Variants in UNC13C observed in about 807,000 individuals in gnomAD.
The protein encoded by UNC13C is protein unc-13 homolog C.
A neutral mutation model predicts 245.4 loss-of-function variants in UNC13C; 174 were observed. The observed-to-expected ratio is 0.71, with a 90% CI of 0.63 to 0.80. UNC13C has a LOEUF of 0.80. UNC13C is among the 30% of genes least tolerant of loss of function. UNC13C has a pLI of 0.00. For synonymous variants in UNC13C, 992 were observed against 895.1 expected (o/e 1.11, Z -1.93); for missense variants, 2,829 against 2,602.9 (o/e 1.09, Z -1.89).
At chr15:54,421,309 A>G (rs2040637936) in intron 19 of UNC13C, among the ~76,000 whole-genome samples, 1 of 151,924 alleles carries the variant, frequency 6.6e-6, no homozygotes, top group Non-Finnish European at 1.5e-5. Context: ...AAATATGTAG[A>G]CTGTATTACT....
intron 4 of UNC13C, among the ~76,000 whole-genome samples, chr15:54,180,645 A>ATCCTC (rs1357523862): frequency 6.6e-6 from 1 of 152,052 alleles, no homozygotes; most frequent in Non-Finnish European, 1.5e-5. Flanking sequence ...TTTTCTCTGC[A>ATCCTC]TCCTCACCAG....
chr15:54,252,035 C>A (rs1181285513), intron 8 of UNC13C, among the ~76,000 whole-genome samples: 5 of 152,140 alleles, frequency 3.3e-5, no homozygotes, highest in Non-Finnish European at 7.4e-5. Context: ...CTTGATATTA[C>A]TCATTTAATT....
At chr15:54,314,588 A>T (rs1447603043) in intron 13 of UNC13C, among the ~76,000 whole-genome samples, 2 of 151,798 alleles carry the variant, frequency 1.3e-5, no homozygotes, top group East Asian at 1.9e-4. Context: ...TTTAAAGAAA[A>T]AAAGAATTAG....
intron 19 of UNC13C, among the ~76,000 whole-genome samples, chr15:54,440,373 T>A (rs11071072): frequency 6.6e-6 from 1 of 151,824 alleles, no homozygotes; most frequent in Non-Finnish European, 1.5e-5. Flanking sequence ...GAGAATCACC[T>A]TTTTAGCTCC....
chr15:54,117,852 G>T (rs866034759), intron 2 of UNC13C, among the ~76,000 whole-genome samples: 3 of 152,026 alleles, frequency 2.0e-5, no homozygotes, highest in South Asian at 2.1e-4. Flanking sequence ...AAGTGCTGAG[G>T]TTACAAACAT....
intron 19 of UNC13C, among the ~76,000 whole-genome samples, chr15:54,462,750 G>A (rs1359783377): frequency 3.3e-5 from 5 of 152,214 alleles, no homozygotes; most frequent in Non-Finnish European, 7.3e-5. Context: ...ATGGGCTCCC[G>A]CGCAGCCCGA....
At chr15:54,273,366 G>A (rs1381136136) in intron 10 of UNC13C, among the ~76,000 whole-genome samples, 4 of 151,690 alleles carry the variant, frequency 2.6e-5, no homozygotes, top group Admixed American at 6.6e-5. Context: ...TCCTTTCCCC[G>A]CTTTTCCCTT....
At chr15:54,341,259 G>A (rs1300654077) in intron 17 of UNC13C, among the ~76,000 whole-genome samples, 1 of 152,130 alleles carries the variant, frequency 6.6e-6, no homozygotes, top group African/African-American at 2.4e-5. Context: ...TGCACACCAT[G>A]GTATACTATG....
chr15:54,210,602 C>T (rs2034850437), intron 4 of UNC13C, among the ~76,000 whole-genome samples: 1 of 152,070 alleles, frequency 6.6e-6, no homozygotes, highest in Non-Finnish European at 1.5e-5. Context: ...TTATATGTCT[C>T]TTTAAGGTCA....
At chr15:54,452,619 T>A (rs1429630264) in intron 19 of UNC13C, among the ~76,000 whole-genome samples, 1 of 152,164 alleles carries the variant, frequency 6.6e-6, no homozygotes, top group Non-Finnish European at 1.5e-5. Context: ...GGAAAACCTG[T>A]CCTCAGATTT....
At chr15:54,153,823 C>T (rs1046169677) in intron 4 of UNC13C, among the ~76,000 whole-genome samples, 2 of 151,784 alleles carry the variant, frequency 1.3e-5, no homozygotes, top group African/African-American at 4.8e-5. Context: ...AATGACTGGA[C>T]CCAAGGTGTG....
intron 18 of UNC13C, among the ~76,000 whole-genome samples, chr15:54,402,064 TAA>T (rs55783137): frequency 1.3e-3 from 182 of 139,124 alleles, no homozygotes; most frequent in African/African-American, 1.3e-3. Context: ...TGTTGAAATG[TAA>T]AAAAAAAAAA....
chr15:54,171,825 T>C (rs1207355221), intron 4 of UNC13C, among the ~76,000 whole-genome samples: 1 of 152,160 alleles, frequency 6.6e-6, no homozygotes, highest in Non-Finnish European at 1.5e-5. Flanking sequence ...GCGGTATTAT[T>C]CACCATAGCT....
In UNC13C at chr15:54,468,440, G is replaced by A. The variant is rs182879601; in HGVS notation, c.4934-26168G>A. On this transcript the variant is annotated intron_variant, in intron 19 of 32. Coordinates refer to ENST00000260323, the MANE Select transcript of UNC13C (RefSeq NM_001080534.3). ...ACTTTTTTGTTTCCTTTGCTGTGCA[G>A]AAGCTTTTTATTTTGATTCATTCCA... Among the ~76,000 whole-genome samples the A allele has an allele frequency of 2.7e-3, 417 of 151,758 alleles. 3 individuals carry two copies. Among genetic ancestry groups the A allele is most frequent in the African/African-American group, 9.0e-3 (375 of 41,518 alleles).
chr15:54,598,184 C>A (rs546500219), intron 30 of UNC13C, among the ~76,000 whole-genome samples: 1 of 152,300 alleles, frequency 6.6e-6, no homozygotes, highest in East Asian at 1.9e-4. Context: ...CCTTCACCTC[C>A]CTAGTTGAAA....
At chr15:54,130,673 T>A (rs1366433920) in intron 2 of UNC13C, among the ~76,000 whole-genome samples, 1 of 152,164 alleles carries the variant, frequency 6.6e-6, no homozygotes, top group Non-Finnish European at 1.5e-5. Flanking sequence ...TACATCTGTA[T>A]TTGGTATAGG....
intron 1 of UNC13C, among the ~76,000 whole-genome samples, chr15:53,986,484 A>T (rs1401979904): frequency 1.3e-5 from 2 of 152,110 alleles, no homozygotes; most frequent in Non-Finnish European, 2.9e-5. Context: ...TTGTTGTTTT[A>T]GAAATATACA....
At chr15:54,576,240 G>A (rs1021382812) in intron 30 of UNC13C, among the ~76,000 whole-genome samples, 1 of 152,164 alleles carries the variant, frequency 6.6e-6, no homozygotes, top group Non-Finnish European at 1.5e-5. Flanking sequence ...TGGTCAAGTA[G>A]GTAAGTGACA....
At chr15:54,123,417 T>C (rs2030815451) in intron 2 of UNC13C, among the ~76,000 whole-genome samples, 1 of 151,542 alleles carries the variant, frequency 6.6e-6, no homozygotes, top group South Asian at 2.1e-4. Flanking sequence ...TATTTTCATA[T>C]GTATTTTTTT....
Sources: allele counts gnomAD v4.1 joint callset (sites outside exome capture counted in the v4.1 genomes callset), GRCh38; gene constraint gnomAD v4.1.1; transcripts MANE v1.5; gene names NCBI Gene and HGNC (gene_info 2026-07-23, HGNC 2026-07-21).